OR3A2: variants seen among roughly 807,000 people sequenced by gnomAD.
The protein encoded by OR3A2 is olfactory receptor 3A2.
For missense variants in OR3A2, 318 were observed against 392.8 expected, an observed-to-expected ratio of 0.81 and a Z score of 1.61; for synonymous variants, 126 against 159.3, an observed-to-expected ratio of 0.79 and a Z score of 1.57.
At chr17:3,320,782 C>A (rs1485348313) in intron 3 of OR3A2, among the ~76,000 whole-genome samples, 2 of 151,968 alleles carry the variant, frequency 1.3e-5, no homozygotes, top group African/African-American at 4.8e-5. Context: ...GTTACTGTAG[C>A]CTTGCAGTAT....
chr17:3,347,689 A>G (rs932718885), intron 2 of OR3A2, among the ~76,000 whole-genome samples: 43 of 152,286 alleles, frequency 2.8e-4, no homozygotes, highest in African/African-American at 1.0e-3. Flanking sequence ...ATTGTGAATA[A>G]TGCCGCAATA....
At chr17:3,334,478 G>A (rs932487020) in intron 3 of OR3A2, among the ~76,000 whole-genome samples, 3 of 152,142 alleles carry the variant, frequency 2.0e-5, no homozygotes, top group Middle Eastern at 3.4e-3. Context: ...ACAGAATTTC[G>A]TTCTTCTATA....
intron 3 of OR3A2, among the ~76,000 whole-genome samples, chr17:3,316,432 C>A (rs780772718): frequency 2.0e-5 from 3 of 152,224 alleles, no homozygotes; most frequent in Non-Finnish European, 2.9e-5. Flanking sequence ...CACATCCCAA[C>A]AATACCTCCT....
At chr17:3,318,681 TC>T (rs1461420159) in intron 3 of OR3A2, among the ~76,000 whole-genome samples, 2 of 152,192 alleles carry the variant, frequency 1.3e-5, no homozygotes, top group Admixed American at 6.5e-5. Flanking sequence ...CCCTCTATCT[TC>T]ACCCTTTAGG....
Position 3,331,364 on chromosome 17 carries a change from G to A in OR3A2, c.-85+4669C>T, listed in dbSNP as rs1337471339. Among the ~76,000 whole-genome samples the A allele has an allele frequency of 3.3e-5, 5 of 152,110 alleles. No homozygotes were observed. The East Asian group carries it at 5.8e-4, about 18-fold the overall frequency. On this transcript the variant is annotated intron_variant, in intron 3 of 4. Coordinates refer to the OR3A2 transcript ENST00000573491. ...CTTTCAGGTACACCAATCCGACGTA[G>A]ATTTGGTCTTTTCACATAGTCCCAT... is the stretch of plus-strand genomic sequence containing the variant.
intron 3 of OR3A2, among the ~76,000 whole-genome samples, chr17:3,327,582 T>G (rs1227063552): frequency 8.1e-6 from 1 of 122,736 alleles, no homozygotes; most frequent in African/African-American, 3.5e-5. Flanking sequence ...TTGTCAATTT[T>G]GTCTTTTGTT....
At chr17:3,279,603 G>A (rs1232336335) in intron 1 of OR3A2, among the ~76,000 whole-genome samples, 1 of 152,180 alleles carries the variant, frequency 6.6e-6, no homozygotes, top group Non-Finnish European at 1.5e-5. Flanking sequence ...AGACCAGCCT[G>A]TCCAACATGG....
At chr17:3,344,614 C>T (rs926456098) in intron 2 of OR3A2, among the ~76,000 whole-genome samples, 1 of 152,208 alleles carries the variant, frequency 6.6e-6, no homozygotes, top group Non-Finnish European at 1.5e-5. Flanking sequence ...CACTTATAGT[C>T]ATATCCTTTT....
intron 2 of OR3A2, among the ~76,000 whole-genome samples, chr17:3,370,369 T>C (rs542291660): frequency 1.3e-5 from 2 of 152,334 alleles, no homozygotes; most frequent in Admixed American, 1.3e-4. Flanking sequence ...TCAGTTGTAA[T>C]ATCTCCCATT....
intron 3 of OR3A2, among the ~76,000 whole-genome samples, chr17:3,314,688 A>T (rs2049067552): frequency 6.6e-6 from 1 of 152,170 alleles, no homozygotes; most frequent in Non-Finnish European, 1.5e-5. Flanking sequence ...TTAAATACAT[A>T]TATTTTTTAA....
intron 2 of OR3A2, among the ~76,000 whole-genome samples, chr17:3,345,362 T>C (rs759676315): frequency 3.1e-4 from 46 of 147,766 alleles, no homozygotes; most frequent in Non-Finnish European, 6.0e-4. Context: ...TCTTAAATAA[T>C]GAAGACAGCC....
At chr17:3,292,233 A>C in intron 3 of OR3A2, 3 of 1,614,210 alleles carry the variant, frequency 1.9e-6, no homozygotes, top group Non-Finnish European at 2.5e-6. Flanking sequence ...GGCGGTCAGC[A>C]GGAAGCAGTC....
chr17:3,353,707 T>C (rs945059080), intron 2 of OR3A2, among the ~76,000 whole-genome samples: 1 of 151,858 alleles, frequency 6.6e-6, no homozygotes, highest in African/African-American at 2.4e-5. Flanking sequence ...ATGATAGGTA[T>C]ATATTTATAG....
Position 3,279,158 on chromosome 17 carries a change from A to AACAACAT in OR3A2, c.-6-242_-6-236dup, listed in dbSNP as rs1177984648. 6.1e-6 allele frequency: 4 copies of AACAACAT among 652,956 alleles called. No homozygotes were observed. The highest frequency in any genetic ancestry group is 1.0e-5 in the Non-Finnish European group (4 of 383,128). 40.4% of individuals were successfully genotyped at this position (652,956 alleles called of 1,614,324 possible). ...TAGCTGAAAAGGTCAGAATACCTGG[A>AACAACAT]ACAACATGAGAACTATAGTTAATAA... On this transcript the variant is annotated intron_variant, in intron 1 of 1. Coordinates refer to ENST00000642052, the Ensembl canonical transcript of OR3A2.
intron 3 of OR3A2, among the ~76,000 whole-genome samples, chr17:3,297,037 T>A (rs1032348426): frequency 6.6e-6 from 1 of 152,226 alleles, no homozygotes; most frequent in South Asian, 2.1e-4. Context: ...GATTCCCTTT[T>A]CTACACAGGT....
exon 2 of OR3A2, chr17:3,278,240 A>G (rs1390781279): frequency 2.5e-6 from 4 of 1,614,230 alleles, no homozygotes; most frequent in Non-Finnish European, 3.4e-6. Flanking sequence ...GTAGAACTGC[A>G]GCTGCCACGT....
chr17:3,335,666 C>T (rs1260497063), intron 3 of OR3A2, among the ~76,000 whole-genome samples: 4 of 152,272 alleles, frequency 2.6e-5, no homozygotes, highest in South Asian at 4.1e-4. Context: ...AGAGACTACA[C>T]TTTACATACA....
intron 2 of OR3A2, among the ~76,000 whole-genome samples, chr17:3,364,465 T>A (rs921685575): frequency 1.9e-4 from 29 of 152,198 alleles, no homozygotes; most frequent in Non-Finnish European, 8.8e-5. Context: ...TGAAATCTTG[T>A]ACCTTTTGAC....
At chr17:3,356,655 G>T (rs1307003465) in intron 2 of OR3A2, among the ~76,000 whole-genome samples, 4 of 151,490 alleles carry the variant, frequency 2.6e-5, no homozygotes, top group Non-Finnish European at 4.4e-5. Flanking sequence ...GTAGTAATTA[G>T]TAGCAGACAA....
Sources: allele counts gnomAD v4.1 joint callset (sites outside exome capture counted in the v4.1 genomes callset), GRCh38; gene constraint gnomAD v4.1.1; transcripts MANE v1.5; gene names NCBI Gene and HGNC (gene_info 2026-07-23, HGNC 2026-07-21).